Variants in RASGRF2 observed in about 807,000 individuals in gnomAD.
The protein encoded by RASGRF2 is ras-specific guanine nucleotide-releasing factor 2.
A neutral mutation model predicts 151.0 loss-of-function variants in RASGRF2; 76 were observed. The observed-to-expected ratio is 0.50, with a 90% CI of 0.42 to 0.61. RASGRF2 has a LOEUF of 0.61. Ranked by LOEUF, RASGRF2 falls within the 20% of genes least tolerant of loss-of-function variation. RASGRF2 has a pLI of 0.00. For synonymous variants in RASGRF2, 504 were observed against 566.5 expected (o/e 0.89, Z 1.57); for missense variants, 1,148 against 1,564.6 (o/e 0.73, Z 4.49).
chr5:81,092,782 TCATTTTTGTAATC>T lies in RASGRF2; in HGVS notation c.1391-18_1391-6del, dbSNP rs1374387773. 4 of 1,604,246 alleles carry T rather than the reference TCATTTTTGTAATC, an allele frequency of 2.5e-6. 1 individual carries two copies. In the South Asian group the frequency reaches 4.5e-5, roughly 18 times the overall value. Reference sequence around the variant, plus strand: ...CAGAATTTTAATTGCTGTGTATTCTTCATTTTTGTAATCACCAGGTTCTCTTATTCAAGTACCT... The same window carrying T: ...CAGAATTTTAATTGCTGTGTATTCTTACCAGGTTCTCTTATTCAAGTACCT... On this transcript the variant is annotated splice_polypyrimidine_tract_variant and splice_region_variant and intron_variant, in intron 9 of 26. Transcript: ENST00000265080.
intron 1 of RASGRF2, among the ~76,000 whole-genome samples, chr5:80,981,468 T>C (rs778015318): frequency 2.0e-5 from 3 of 152,178 alleles, no homozygotes; most frequent in Non-Finnish European, 4.4e-5. Flanking sequence ...GATTGCCATT[T>C]GTTGTTGCTG....
At chr5:81,182,990 C>T (rs912379169) in intron 18 of RASGRF2, among the ~76,000 whole-genome samples, 2 of 152,272 alleles carry the variant, frequency 1.3e-5, no homozygotes, top group South Asian at 2.1e-4. Flanking sequence ...GGCTTGGATA[C>T]GATGATTTTT....
At chr5:81,112,894 A>C (rs1240578984) in intron 14 of RASGRF2, 36 bp downstream of exon 14, 1 of 1,612,794 alleles carries the variant, frequency 6.2e-7, no homozygotes, top group Admixed American at 1.7e-5. Context: ...TGTCATTCGC[A>C]TATGGCCCTC....
At chr5:80,979,631 G>T (rs1748234838) in intron 1 of RASGRF2, among the ~76,000 whole-genome samples, 1 of 152,172 alleles carries the variant, frequency 6.6e-6, no homozygotes, top group Non-Finnish European at 1.5e-5. Flanking sequence ...AAGGAATGTG[G>T]CAGTTTCCAG....
intron 1 of RASGRF2, among the ~76,000 whole-genome samples, chr5:81,013,175 T>C (rs1749524355): frequency 6.6e-6 from 1 of 152,196 alleles, no homozygotes; most frequent in Non-Finnish European, 1.5e-5. Context: ...AACTCTGTCT[T>C]TCCTATAGTA....
At chr5:81,013,028 A>G (rs1462497131) in intron 1 of RASGRF2, among the ~76,000 whole-genome samples, 5 of 152,204 alleles carry the variant, frequency 3.3e-5, no homozygotes, top group Admixed American at 3.3e-4. Flanking sequence ...GAATGGACAT[A>G]TAGGAGCAGG....
chr5:81,116,061 CATTTCTTTTTTTTT>C (rs1753143080), intron 15 of RASGRF2, among the ~76,000 whole-genome samples: 1 of 92,256 alleles, frequency 1.1e-5, no homozygotes, highest in African/African-American at 3.5e-5. Context: ...TGGTGAATGC[CATTTCTTTTTTTTT>C]TTTTTTTTTT....
chr5:81,033,016 G>C (rs1379896843), intron 1 of RASGRF2, among the ~76,000 whole-genome samples: 1 of 152,002 alleles, frequency 6.6e-6, no homozygotes, highest in Non-Finnish European at 1.5e-5. Flanking sequence ...GGCAAACAGA[G>C]AGCCAAATCA....
chr5:80,967,623 C>T (rs1252305512), intron 1 of RASGRF2, among the ~76,000 whole-genome samples: 1 of 152,044 alleles, frequency 6.6e-6, no homozygotes, highest in Non-Finnish European at 1.5e-5. Context: ...TTTAGACATG[C>T]CTGATTCATT....
chr5:81,035,163 G>A (rs113616501), intron 1 of RASGRF2, among the ~76,000 whole-genome samples: 128 of 152,128 alleles, frequency 8.4e-4, no homozygotes, highest in African/African-American at 2.5e-3. Context: ...ACAAGCACAC[G>A]TATGTTTATT....
chr5:81,116,436 G>A (rs1157869033), intron 15 of RASGRF2, among the ~76,000 whole-genome samples: 7 of 152,118 alleles, frequency 4.6e-5, no homozygotes, highest in African/African-American at 1.4e-4. Context: ...GAAAGGACAG[G>A]CTTTGTCCTG....
At chr5:81,130,850 G>A (rs559174559) in intron 17 of RASGRF2, among the ~76,000 whole-genome samples, 1 of 152,128 alleles carries the variant, frequency 6.6e-6, no homozygotes, top group African/African-American at 2.4e-5. Flanking sequence ...GATACAGATA[G>A]ACTTGGGGAT....
At chr5:80,967,735 C>T (rs1747768647) in intron 1 of RASGRF2, among the ~76,000 whole-genome samples, 3 of 152,050 alleles carry the variant, frequency 2.0e-5, no homozygotes, top group Admixed American at 2.0e-4. Flanking sequence ...AGGAGGTTTC[C>T]TGCATTTAGC....
chr5:81,167,025 A>T (rs992964814), intron 17 of RASGRF2, among the ~76,000 whole-genome samples: 1 of 152,188 alleles, frequency 6.6e-6, no homozygotes, highest in African/African-American at 2.4e-5. Flanking sequence ...TCTTTAAGTC[A>T]TAGGTGGCAG....
At chr5:81,122,363 A>G (rs1316744208) in intron 15 of RASGRF2, among the ~76,000 whole-genome samples, 1 of 151,960 alleles carries the variant, frequency 6.6e-6, no homozygotes, top group Non-Finnish European at 1.5e-5. Flanking sequence ...TTAGAAAATA[A>G]TAAAACCGAC....
At chr5:81,002,852 C>T (rs1749121931) in intron 1 of RASGRF2, among the ~76,000 whole-genome samples, 1 of 152,076 alleles carries the variant, frequency 6.6e-6, no homozygotes, top group African/African-American at 2.4e-5. Flanking sequence ...ACAGGGTTGG[C>T]AGCTAGAATG....
Position 81,228,366 on chromosome 5 carries a change from A to G in RASGRF2, c.*2596A>G, listed in dbSNP as rs994891518. Reference sequence around the variant, plus strand: ...TGTGCCAGCTGGGAGAGGAATGCACATTTTAAAATCCCTTCAATTTGGTCA... The same window carrying G: ...TGTGCCAGCTGGGAGAGGAATGCACGTTTTAAAATCCCTTCAATTTGGTCA... On this transcript the variant is annotated 3_prime_UTR_variant, in exon 27 of 27. Transcript: ENST00000265080. 1.3e-5 allele frequency: 2 copies of G among 152,230 alleles called. No homozygotes were observed. Among genetic ancestry groups the G allele is most frequent in the Admixed American group, 6.5e-5 (1 of 15,278 alleles). The allele number at this position is 152,230 out of a possible 1,614,324, so 9.4% of individuals were successfully genotyped here.
chr5:81,179,454 A>G (rs1754861672), intron 17 of RASGRF2, among the ~76,000 whole-genome samples: 1 of 152,082 alleles, frequency 6.6e-6, no homozygotes, highest in South Asian at 2.1e-4. Flanking sequence ...AAGAGCAGGC[A>G]CTCTGGTTGT....
At position 81,068,189 on chromosome 5, in the gene RASGRF2, A is replaced by T. The variant is rs199600719; in HGVS notation, c.543+10A>T. ...AAGGCTTAAATCAGAGGTATTTCCC[A>T]GTCAATAGATTCCTTCTCATTGTTT... On this transcript the variant is annotated intron_variant, in intron 3 of 26. Transcript: ENST00000265080. 7.5e-6 allele frequency: 12 copies of T among 1,606,658 alleles called. No homozygotes were observed. In the East Asian group the frequency reaches 1.3e-4, roughly 18 times the overall value.
Sources: gnomAD v4.1 joint callset for allele counts (sites outside exome capture counted in the v4.1 genomes callset) on GRCh38, gnomAD v4.1.1 for gene constraint, MANE v1.5 for transcripts, NCBI Gene and HGNC (gene_info 2026-07-23, HGNC 2026-07-21) for gene names.